HAPSTR1: variants seen among roughly 807,000 people sequenced by gnomAD.
The protein encoded by HAPSTR1 is HUWE1-associated protein modifying stress responses 1.
chr16:9,094,227 A>C, the HAPSTR1 span, among the ~76,000 whole-genome samples: 1 of 152,160 alleles, frequency 6.6e-6, no homozygotes, highest in African/African-American at 2.4e-5. Flanking sequence ...CTGTAATAAT[A>C]ATAGTCCAGT....
At chr16:9,103,327 G>C in the HAPSTR1 span, 1 of 1,521,980 alleles carries the variant, frequency 6.6e-7, no homozygotes, top group Non-Finnish European at 8.9e-7. Context: ...CATTTTTCAC[G>C]GTTAGGTTTA....
At chr16:9,118,258 C>CT in the HAPSTR1 span, 1 of 152,538 alleles carries the variant, frequency 6.6e-6, no homozygotes, top group Non-Finnish European at 1.5e-5. Context: ...AAAATGTTTC[C>CT]TTGCAAACTT....
the HAPSTR1 span, chr16:9,121,628 A>T: frequency 6.6e-6 from 1 of 152,366 alleles, no homozygotes; most frequent in South Asian, 2.1e-4. Flanking sequence ...TAAATTAAAA[A>T]ATGTGAATGT....
the HAPSTR1 span, chr16:9,105,323 G>A: frequency 6.6e-6 from 1 of 152,176 alleles, no homozygotes. Context: ...ATAGATTGGA[G>A]ACTGAATGCA....
chr16:9,109,359 C>G, the HAPSTR1 span: 4 of 152,158 alleles, frequency 2.6e-5, no homozygotes, highest in South Asian at 2.1e-4. Context: ...GTGGGGAGCC[C>G]GATGCCAAGT....
chr16:9,114,125 T>A, the HAPSTR1 span, among the ~76,000 whole-genome samples: 1 of 152,184 alleles, frequency 6.6e-6, no homozygotes, highest in Non-Finnish European at 1.5e-5. Flanking sequence ...GTTTATTTTG[T>A]TTTTTAAAAG....
the HAPSTR1 span, among the ~76,000 whole-genome samples, chr16:9,099,220 A>T: frequency 2.0e-5 from 3 of 149,618 alleles, no homozygotes; most frequent in Admixed American, 6.7e-5. Context: ...TTTTTTTGAG[A>T]TGGAGTCTTG....
the HAPSTR1 span, chr16:9,109,449 C>G: frequency 6.6e-6 from 1 of 152,148 alleles, no homozygotes; most frequent in African/African-American, 2.4e-5. Flanking sequence ...AGTTGCTGAC[C>G]CTGATTCAGA....
At chr16:9,092,868 A>G in the HAPSTR1 span, 10 of 1,446,906 alleles carry the variant, frequency 6.9e-6, no homozygotes, top group East Asian at 9.5e-5. Flanking sequence ...TTCTCTTTCT[A>G]TGTGTGTTTC....
At chr16:9,118,672 TTATGAATACTTTC>T in the HAPSTR1 span, 2 of 152,354 alleles carry the variant, frequency 1.3e-5, no homozygotes, top group Non-Finnish European at 2.9e-5. Context: ...AGCCTATGTA[TTATGAATACTTTC>T]AAGCTTCCCT....
At chr16:9,096,586 A>G in the HAPSTR1 span, among the ~76,000 whole-genome samples, 1 of 152,236 alleles carries the variant, frequency 6.6e-6, no homozygotes, top group South Asian at 2.1e-4. Context: ...GCCAAGTGGC[A>G]GGTGACTTAG....
chr16:9,103,282 C>A, the HAPSTR1 span: 2 of 1,598,552 alleles, frequency 1.3e-6, no homozygotes, highest in South Asian at 1.1e-5. Context: ...AAACATATTT[C>A]TTTGGAAAAA....
the HAPSTR1 span, chr16:9,120,164 G>C: frequency 6.6e-6 from 1 of 152,210 alleles, no homozygotes; most frequent in South Asian, 2.1e-4. Flanking sequence ...GTGAGGATGG[G>C]AATCTTCAGA....
At chr16:9,100,215 T>C in the HAPSTR1 span, among the ~76,000 whole-genome samples, 3 of 152,152 alleles carry the variant, frequency 2.0e-5, no homozygotes, top group Non-Finnish European at 4.4e-5. Flanking sequence ...GTGAAATAAT[T>C]GGTCAGTTGC....
the HAPSTR1 span, chr16:9,107,128 C>G: frequency 1.3e-5 from 2 of 152,224 alleles, no homozygotes; most frequent in Non-Finnish European, 1.5e-5. Flanking sequence ...CCACTGTCCT[C>G]CGGTGTACAT....
chr16:9,092,680 C>T, the HAPSTR1 span, among the ~76,000 whole-genome samples: 1 of 152,150 alleles, frequency 6.6e-6, no homozygotes, highest in Non-Finnish European at 1.5e-5. Context: ...TGCGCCGCGG[C>T]TCGTCCCTGA....
chr16:9,107,191 A>AACCTG, the HAPSTR1 span: 1 of 152,218 alleles, frequency 6.6e-6, no homozygotes, highest in Non-Finnish European at 1.5e-5. Flanking sequence ...GGTTGGACTC[A>AACCTG]TTCTTCTGCC....
the HAPSTR1 span, chr16:9,110,328 G>A: frequency 3.9e-5 from 6 of 152,116 alleles, no homozygotes; most frequent in Non-Finnish European, 8.8e-5. Context: ...AGGTTGGATA[G>A]GAATGTTTTA....
chr16:9,093,592 A>G, the HAPSTR1 span, among the ~76,000 whole-genome samples: 1 of 152,198 alleles, frequency 6.6e-6, no homozygotes, highest in Non-Finnish European at 1.5e-5. Context: ...GCTCTTCTCT[A>G]GCAATTTGAT....
Sources: allele counts gnomAD v4.1 joint callset (sites outside exome capture counted in the v4.1 genomes callset), GRCh38; gene constraint gnomAD v4.1.1; transcripts MANE v1.5; gene names NCBI Gene and HGNC (gene_info 2026-07-23, HGNC 2026-07-21).